PDSS2: variants seen among roughly 807,000 people sequenced by gnomAD.
PDSS2 encodes all trans-polyprenyl-diphosphate synthase PDSS2.
A neutral mutation model predicts 44.5 loss-of-function variants in PDSS2; 31 were observed. That is an observed-to-expected ratio of 0.70 (90% CI 0.52 to 0.94). PDSS2 has a LOEUF of 0.94. PDSS2 is among the 40% of genes least tolerant of loss of function. The probability of loss-of-function intolerance (pLI) is 0.00; values close to 1 mark genes in which losing one functional copy is unlikely to be tolerated. For synonymous variants in PDSS2, 157 were observed against 180.3 expected, an observed-to-expected ratio of 0.87 and a Z score of 1.03; for missense variants, 452 against 482.2, an observed-to-expected ratio of 0.94 and a Z score of 0.59.
intron 1 of PDSS2, among the ~76,000 whole-genome samples, chr6:107,438,555 G>A (rs1431447558): frequency 6.6e-6 from 1 of 152,078 alleles, no homozygotes; most frequent in Non-Finnish European, 1.5e-5. Flanking sequence ...AATAACTCCA[G>A]GTCTAGTGAA....
At chr6:107,215,262 C>T (rs184852442) in intron 4 of PDSS2, among the ~76,000 whole-genome samples, 71 of 152,212 alleles carry the variant, frequency 4.7e-4, no homozygotes, top group Middle Eastern at 3.4e-3. Flanking sequence ...TGCAGTGGCT[C>T]ACACCTGTAA....
chr6:107,353,936 C>T (rs1327339579), intron 1 of PDSS2, among the ~76,000 whole-genome samples: 2 of 152,074 alleles, frequency 1.3e-5, no homozygotes, highest in Admixed American at 1.3e-4. Context: ...TCCATGGCAA[C>T]CAACATGGTC....
At chr6:107,392,773 TTACTC>T (rs1408015438) in intron 1 of PDSS2, among the ~76,000 whole-genome samples, 5 of 152,092 alleles carry the variant, frequency 3.3e-5, no homozygotes, top group African/African-American at 1.2e-4. Flanking sequence ...TCCCTTCAAT[TTACTC>T]TAGTGTCAGA....
intron 1 of PDSS2, among the ~76,000 whole-genome samples, chr6:107,387,373 C>T (rs1401305550): frequency 6.6e-6 from 1 of 152,186 alleles, no homozygotes; most frequent in Non-Finnish European, 1.5e-5. Context: ...TCTAGAGACC[C>T]TGGGCAGATG....
intron 7 of PDSS2, among the ~76,000 whole-genome samples, chr6:107,159,200 C>T (rs1187120548): frequency 6.6e-6 from 1 of 151,722 alleles, no homozygotes; most frequent in Non-Finnish European, 1.5e-5. Context: ...CCATCCCACC[C>T]ACCAAGATCA....
intron 1 of PDSS2, among the ~76,000 whole-genome samples, chr6:107,365,397 C>A (rs892503068): frequency 3.9e-5 from 6 of 152,002 alleles, no homozygotes; most frequent in Non-Finnish European, 8.8e-5. Flanking sequence ...AAATTGAAAT[C>A]ATTCCCTAAA....
chr6:107,212,334 T>G (rs772413269), intron 4 of PDSS2, 52 bp from the exon 5 acceptor site: 2 of 1,413,750 alleles, frequency 1.4e-6, no homozygotes, highest in Admixed American at 2.0e-5. Context: ...GTAATTTAAT[T>G]GTTTCTGTTT....
At chr6:107,336,863 T>C (rs1582958230) in intron 1 of PDSS2, among the ~76,000 whole-genome samples, 1 of 144,232 alleles carries the variant, frequency 6.9e-6, no homozygotes, top group East Asian at 2.1e-4. Flanking sequence ...TGTGTGTGTG[T>C]GTGTGTGTGT....
chr6:107,270,283 T>C (rs1023136722), intron 3 of PDSS2, among the ~76,000 whole-genome samples: 4 of 151,956 alleles, frequency 2.6e-5, no homozygotes, highest in Non-Finnish European at 5.9e-5. Flanking sequence ...TAATGTTCTT[T>C]GCATTTTTAG....
At chr6:107,314,543 C>A (rs1777143208) in intron 2 of PDSS2, among the ~76,000 whole-genome samples, 1 of 152,102 alleles carries the variant, frequency 6.6e-6, no homozygotes, top group South Asian at 2.1e-4. Context: ...AATGAGCCAT[C>A]CACAAAGGGC....
chr6:107,366,661 T>C (rs1387703440), intron 1 of PDSS2, among the ~76,000 whole-genome samples: 2 of 151,892 alleles, frequency 1.3e-5, no homozygotes, highest in South Asian at 2.1e-4. Context: ...ACTGACCCTA[T>C]AGGAATTAAA....
At chr6:107,164,341 G>A (rs1327054277) in intron 7 of PDSS2, among the ~76,000 whole-genome samples, 4 of 151,988 alleles carry the variant, frequency 2.6e-5, no homozygotes, top group African/African-American at 9.7e-5. Context: ...GACAGGCCCT[G>A]GTGTGTGATG....
chr6:107,416,510 T>C (rs548005877), intron 1 of PDSS2, among the ~76,000 whole-genome samples: 2 of 152,334 alleles, frequency 1.3e-5, no homozygotes, highest in East Asian at 3.9e-4. Flanking sequence ...TGTTTATCAT[T>C]GACTAAGATA....
intron 3 of PDSS2, among the ~76,000 whole-genome samples, chr6:107,263,388 G>A (rs1330105803): frequency 1.3e-5 from 2 of 151,736 alleles, no homozygotes. Flanking sequence ...AGGGGGCAGA[G>A]TTTGCAGTGA....
At chr6:107,165,199 T>C (rs1771297918) in intron 7 of PDSS2, among the ~76,000 whole-genome samples, 1 of 152,178 alleles carries the variant, frequency 6.6e-6, no homozygotes, top group African/African-American at 2.4e-5. Context: ...TTGGCTTTTG[T>C]TGCCATTGCT....
chr6:107,354,571 T>C (rs1010137490), intron 1 of PDSS2, among the ~76,000 whole-genome samples: 1 of 152,204 alleles, frequency 6.6e-6, no homozygotes, highest in African/African-American at 2.4e-5. Context: ...AGTCTGGCAG[T>C]GAAGTCTGAA....
At chr6:107,162,610 A>AT (rs71012782) in intron 7 of PDSS2, among the ~76,000 whole-genome samples, 40,343 of 115,400 alleles carry the variant, frequency 0.35, 8,572 homozygotes, top group South Asian at 0.59. Context: ...GAATTCCCTA[A>AT]TTTTTTTTTT....
intron 2 of PDSS2, among the ~76,000 whole-genome samples, chr6:107,296,352 G>T (rs1776508398): frequency 1.3e-5 from 2 of 152,146 alleles, no homozygotes; most frequent in African/African-American, 4.8e-5. Flanking sequence ...TTTGAAGCAT[G>T]AGTATGAAAG....
At chr6:107,336,632 A>G (rs1271579693) in intron 1 of PDSS2, among the ~76,000 whole-genome samples, 5 of 152,058 alleles carry the variant, frequency 3.3e-5, no homozygotes, top group African/African-American at 1.2e-4. Flanking sequence ...GCATCCTATT[A>G]CAGAACACAA....
Sources: allele counts gnomAD v4.1 joint callset (sites outside exome capture counted in the v4.1 genomes callset), GRCh38; gene constraint gnomAD v4.1.1; transcripts MANE v1.5; gene names NCBI Gene and HGNC (gene_info 2026-07-23, HGNC 2026-07-21).